GRIK3: variants seen among roughly 807,000 people sequenced by gnomAD.
GRIK3 encodes glutamate receptor ionotropic, kainate 3.
A neutral mutation model predicts 102.5 loss-of-function variants in GRIK3; 29 were observed. That is an observed-to-expected ratio of 0.28 (90% CI 0.21 to 0.39). GRIK3 has a LOEUF of 0.39. Among genes scored for constraint, GRIK3 ranks in the 10% least tolerant of loss-of-function variants. The pLI, the probability that GRIK3 is intolerant of heterozygous loss-of-function variation, is 1.00. For missense variants in GRIK3, 908 were observed against 1,252.4 expected (o/e 0.73, Z 4.15); for synonymous variants, 511 against 504.9 (o/e 1.01, Z -0.16).
chr1:37,032,507 C>T (rs994087782), intron 1 of GRIK3, among the ~76,000 whole-genome samples: 1 of 152,052 alleles, frequency 6.6e-6, no homozygotes, highest in Non-Finnish European at 1.5e-5. Flanking sequence ...GGGGAGGCTT[C>T]CTGCCCCTGG....
At chr1:36,977,378 G>A (rs1283072154) in intron 1 of GRIK3, among the ~76,000 whole-genome samples, 1 of 152,168 alleles carries the variant, frequency 6.6e-6, no homozygotes. Flanking sequence ...GAAACCCAGA[G>A]CTGGACCATG....
At chr1:36,828,124 C>G (rs115096270) in intron 10 of GRIK3, among the ~76,000 whole-genome samples, 1 of 150,890 alleles carries the variant, frequency 6.6e-6, no homozygotes, top group African/African-American at 2.4e-5. Flanking sequence ...AGCAAGAGAC[C>G]GAGTCCCTGG....
At chr1:36,981,898 C>T (rs775879228) in intron 1 of GRIK3, among the ~76,000 whole-genome samples, 3 of 152,194 alleles carry the variant, frequency 2.0e-5, no homozygotes, top group African/African-American at 7.2e-5. Context: ...CGAGGAGCAG[C>T]GCCCCAGCTG....
intron 8 of GRIK3, among the ~76,000 whole-genome samples, chr1:36,851,475 G>A (rs888794302): frequency 6.6e-6 from 1 of 152,240 alleles, no homozygotes; most frequent in Non-Finnish European, 1.5e-5. Flanking sequence ...CTCTTAAGTG[G>A]GCTGAGCTCA....
intron 2 of GRIK3, among the ~76,000 whole-genome samples, chr1:36,890,372 G>A (rs1275273456): frequency 1.3e-5 from 2 of 152,030 alleles, no homozygotes; most frequent in Non-Finnish European, 2.9e-5. Context: ...GCGGAGAGAG[G>A]AGAATTGCTT....
intron 1 of GRIK3, among the ~76,000 whole-genome samples, chr1:36,908,464 A>G (rs1641310090): frequency 6.6e-6 from 1 of 152,036 alleles, no homozygotes; most frequent in Admixed American, 6.5e-5. Context: ...CTGGGTTCTG[A>G]TCCAAGCTCC....
chr1:36,910,361 A>C (rs1641331237), intron 1 of GRIK3, among the ~76,000 whole-genome samples: 1 of 152,256 alleles, frequency 6.6e-6, no homozygotes, highest in Non-Finnish European at 1.5e-5. Context: ...ATTGTTGCTA[A>C]CAGCCTCTTC....
intron 1 of GRIK3, among the ~76,000 whole-genome samples, chr1:36,947,589 T>C (rs1641798465): frequency 1.3e-5 from 2 of 152,192 alleles, no homozygotes; most frequent in South Asian, 4.1e-4. Context: ...GCCCTCTCCC[T>C]TCCTGGAGTC....
Position 36,993,856 on chromosome 1 carries a change from C to T in GRIK3, c.115+40138G>A, listed in dbSNP as rs529618806. On this transcript the variant is annotated intron_variant, in intron 1 of 15. Transcript: ENST00000373091. ...CCTCTTGCCCCAATACAACTCACCT[C>T]TGCAGGGCAATACAGCTGCAGAGCC... 2.0e-5 allele frequency among the ~76,000 whole-genome samples: 3 copies of T among 152,358 alleles called. No individual in the cohort carries two copies. In the South Asian group the frequency reaches 6.2e-4, roughly 32 times the overall value.
intron 1 of GRIK3, among the ~76,000 whole-genome samples, chr1:36,935,670 T>A (rs758574999): frequency 6.6e-5 from 10 of 152,138 alleles, no homozygotes; most frequent in Non-Finnish European, 1.3e-4. Context: ...ATTGAATACA[T>A]TCAAGTCGGA....
At position 36,799,838 on chromosome 1, in the gene GRIK3, T is replaced by G. The variant is rs1280697064; in HGVS notation, c.*2013A>C. ...CTATTATTGCATGCCCTGGACTATG[T>G]TATATGTCCAGATCTGTCCTGTGCC... On this transcript the variant is annotated 3_prime_UTR_variant, in exon 16 of 16. Transcript: ENST00000373091. 1 of 152,206 alleles carries G rather than the reference T, an allele frequency of 6.6e-6. No homozygotes were observed. Among genetic ancestry groups the G allele is most frequent in the African/African-American group, 2.4e-5 (1 of 41,428 alleles). The allele number at this position is 152,206 out of a possible 1,614,324, so 9.4% of individuals were successfully genotyped here.
intron 12 of GRIK3, among the ~76,000 whole-genome samples, 172 bp from the exon 13 acceptor site, chr1:36,817,449 C>T (rs919852328): frequency 1.3e-5 from 2 of 152,190 alleles, no homozygotes; most frequent in African/African-American, 4.8e-5. Context: ...TCACCTGGAA[C>T]TTGTTAGAAA....
chr1:36,968,872 A>G (rs1426271204), intron 1 of GRIK3, among the ~76,000 whole-genome samples: 5 of 152,278 alleles, frequency 3.3e-5, no homozygotes, highest in African/African-American at 7.2e-5. Flanking sequence ...TTGTTTGACA[A>G]TTGACAATTT....
At chr1:37,005,621 G>A (rs1570860107) in intron 1 of GRIK3, among the ~76,000 whole-genome samples, 1 of 152,330 alleles carries the variant, frequency 6.6e-6, no homozygotes, top group East Asian at 1.9e-4. Flanking sequence ...AAAGACGGGA[G>A]GGCTGGCCTG....
intron 3 of GRIK3, among the ~76,000 whole-genome samples, chr1:36,874,386 AC>A (rs1290642488): frequency 6.6e-6 from 1 of 152,056 alleles, no homozygotes; most frequent in East Asian, 1.9e-4. Flanking sequence ...GGCATCAGGA[AC>A]CCCCAGCCCA....
intron 12 of GRIK3, 114 bp from the exon 13 acceptor site, chr1:36,817,391 A>G (rs1452751366): frequency 2.8e-6 from 2 of 707,490 alleles, no homozygotes; most frequent in Admixed American, 2.5e-5. Context: ...CCCTTTCCCA[A>G]GACCAGTGGT....
intron 11 of GRIK3, among the ~76,000 whole-genome samples, chr1:36,825,106 G>A (rs1276378814): frequency 6.6e-6 from 1 of 152,172 alleles, no homozygotes; most frequent in African/African-American, 2.4e-5. Flanking sequence ...CTAGCAGGGA[G>A]CCCAGACAGG....
In GRIK3 at chr1:36,822,978, C is replaced by T. The variant is rs950775; in HGVS notation, c.1754+2625G>A. Reference sequence around the variant, plus strand: ...GGCCAAACAGGTCAGGCCAGGCCAGCGTGCAAGATGGACAGTCCTATGCCA... The same window carrying T: ...GGCCAAACAGGTCAGGCCAGGCCAGTGTGCAAGATGGACAGTCCTATGCCA... On this transcript the variant is annotated intron_variant, in intron 11 of 15. Coordinates refer to ENST00000373091, the MANE Select transcript of GRIK3 (RefSeq NM_000831.4). Among the ~76,000 whole-genome samples, 270 of 152,278 alleles carry T rather than the reference C, an allele frequency of 1.8e-3. 3 individuals are homozygous for T. The East Asian group carries it at 0.027, about 15-fold the overall frequency.
At chr1:36,953,218 A>G (rs1332460043) in intron 1 of GRIK3, among the ~76,000 whole-genome samples, 1 of 152,130 alleles carries the variant, frequency 6.6e-6, no homozygotes, top group Non-Finnish European at 1.5e-5. Flanking sequence ...CATAGCACTT[A>G]GTCAGGAGGA....
Sources: allele counts gnomAD v4.1 joint callset (sites outside exome capture counted in the v4.1 genomes callset), GRCh38; gene constraint gnomAD v4.1.1; transcripts MANE v1.5; gene names NCBI Gene and HGNC (gene_info 2026-07-23, HGNC 2026-07-21).